Variants in ZMAT4 observed in about 807,000 individuals in gnomAD.
ZMAT4 encodes the protein zinc finger matrin-type protein 4.
Under a neutral mutation model 28.7 loss-of-function variants are expected in ZMAT4, and 17 were observed. That is an observed-to-expected ratio of 0.59 (90% CI 0.41 to 0.89). The LOEUF is 0.89. Ranked by LOEUF, ZMAT4 falls within the 40% of genes least tolerant of loss-of-function variation. The pLI is 0.00. For missense variants in ZMAT4, 240 were observed against 283.8 expected (o/e 0.85, Z 1.11); for synonymous variants, 117 against 109.2 (o/e 1.07, Z -0.44).
rs1311650678 is a variant in ZMAT4, at chr8:40,862,224, G to T, written c.-5+35459C>A. ...AGAAAATTTGGCACATATACACCATGGAATACTATGCAGCCATAAAAAAGG... is the reference window on the plus strand; with the variant it reads ...AGAAAATTTGGCACATATACACCATTGAATACTATGCAGCCATAAAAAAGG... On this transcript the variant is annotated intron_variant, in intron 1 of 6. Transcript: ENST00000297737. 1.1e-4 allele frequency among the ~76,000 whole-genome samples: 16 copies of T among 152,164 alleles called. 1 individual carries two copies. The highest frequency in any genetic ancestry group is 2.6e-4 in the Admixed American group (4 of 15,292).
chr8:40,700,204 C>T (rs71519568), intron 3 of ZMAT4, among the ~76,000 whole-genome samples: 6,721 of 151,826 alleles, frequency 0.044, 197 homozygotes, highest in Middle Eastern at 0.078. Flanking sequence ...AATCAAAGAA[C>T]TAGAGTCTCA....
intron 1 of ZMAT4, among the ~76,000 whole-genome samples, chr8:40,826,633 A>G (rs1176265548): frequency 6.6e-6 from 1 of 152,166 alleles, no homozygotes; most frequent in African/African-American, 2.4e-5. Context: ...TTGTAACCCC[A>G]TACTTTGCAA....
chr8:40,592,221 C>A (rs1339473083), intron 5 of ZMAT4, among the ~76,000 whole-genome samples: 1 of 152,128 alleles, frequency 6.6e-6, no homozygotes, highest in East Asian at 1.9e-4. Flanking sequence ...GTTTGCCATG[C>A]CATTCCCATA....
intron 4 of ZMAT4, among the ~76,000 whole-genome samples, chr8:40,686,293 T>C (rs1233707544): frequency 1.3e-5 from 2 of 151,760 alleles, no homozygotes; most frequent in African/African-American, 2.4e-5. Context: ...GGTGGGAAGA[T>C]TGCTTGAAAC....
chr8:40,581,069 C>T (rs1281265806), intron 6 of ZMAT4, 96 bp downstream of exon 6: 11 of 991,558 alleles, frequency 1.1e-5, no homozygotes, highest in Non-Finnish European at 1.7e-5. Flanking sequence ...AATTTCCACT[C>T]TACTTATTTA....
At chr8:40,752,542 C>T (rs1392980307) in intron 3 of ZMAT4, among the ~76,000 whole-genome samples, 1 of 152,174 alleles carries the variant, frequency 6.6e-6, no homozygotes, top group Non-Finnish European at 1.5e-5. Flanking sequence ...CTCAGGTCCT[C>T]CCACTCTCTG....
intron 4 of ZMAT4, among the ~76,000 whole-genome samples, chr8:40,679,669 T>C (rs1809069329): frequency 6.6e-6 from 1 of 152,100 alleles, no homozygotes. Flanking sequence ...CCACGACAAA[T>C]GGAGATTATG....
rs548632561 is a variant in ZMAT4 at position 40,767,796 on chromosome 8, C to T, written c.103-66G>A. ...CCATTTCAAACCCTTTGAAACCTAG[C>T]CAGTGCCCGCAAATGCAAAAAGAAA... On this transcript the variant is annotated intron_variant, in intron 2 of 6. Coordinates refer to ENST00000297737, the MANE Select transcript of ZMAT4 (RefSeq NM_024645.3). 195 of 1,321,532 alleles carry T rather than the reference C, an allele frequency of 1.5e-4. 3 individuals carry two copies. In the South Asian group the frequency reaches 2.6e-3, roughly 17 times the overall value. The allele number at this position is 1,321,532 out of a possible 1,614,324, so 81.9% of individuals were successfully genotyped here.
At chr8:40,856,675 T>C (rs1482814925) in intron 1 of ZMAT4, among the ~76,000 whole-genome samples, 2 of 152,208 alleles carry the variant, frequency 1.3e-5, no homozygotes, top group African/African-American at 2.4e-5. Flanking sequence ...GGATGTCATA[T>C]TTCCCCAGGT....
chr8:40,668,607 G>A (rs1028822389), intron 5 of ZMAT4, among the ~76,000 whole-genome samples: 4 of 152,206 alleles, frequency 2.6e-5, no homozygotes, highest in African/African-American at 4.8e-5. Context: ...AGGAAGAGAG[G>A]CAAGCACCAG....
At chr8:40,622,516 GT>G (rs1806238339) in intron 5 of ZMAT4, among the ~76,000 whole-genome samples, 1 of 152,154 alleles carries the variant, frequency 6.6e-6, no homozygotes, top group Non-Finnish European at 1.5e-5. Context: ...CCTTTTCTGG[GT>G]TTTATGTTTC....
intron 3 of ZMAT4, among the ~76,000 whole-genome samples, chr8:40,732,930 C>T (rs779603517): frequency 1.8e-4 from 24 of 132,638 alleles, no homozygotes; most frequent in East Asian, 2.3e-4. Context: ...ACTGCATCTT[C>T]GAACTCCTGG....
chr8:40,561,622 C>T (rs1408262041), intron 6 of ZMAT4, among the ~76,000 whole-genome samples: 1 of 152,090 alleles, frequency 6.6e-6, no homozygotes, highest in Non-Finnish European at 1.5e-5. Flanking sequence ...AGGCTCCAAG[C>T]ACCAGCATTA....
intron 3 of ZMAT4, among the ~76,000 whole-genome samples, chr8:40,720,699 G>T (rs555100305): frequency 1.5e-3 from 231 of 151,858 alleles, no homozygotes; most frequent in African/African-American, 5.4e-3. Context: ...GCTAATTTTT[G>T]TATTTCTCTA....
intron 2 of ZMAT4, among the ~76,000 whole-genome samples, chr8:40,801,213 A>G (rs1053759429): frequency 1.3e-5 from 2 of 151,486 alleles, no homozygotes; most frequent in African/African-American, 4.8e-5. Flanking sequence ...TATTAGAGAA[A>G]TTGAATTAAT....
chr8:40,675,646 C>T (rs987803228), intron 4 of ZMAT4, among the ~76,000 whole-genome samples: 19 of 152,048 alleles, frequency 1.2e-4, no homozygotes, highest in African/African-American at 4.3e-4. Context: ...ATGAATTGGA[C>T]GTTTGTGTGC....
intron 2 of ZMAT4, among the ~76,000 whole-genome samples, chr8:40,824,690 A>C (rs971290181): frequency 2.0e-5 from 3 of 150,586 alleles, no homozygotes; most frequent in African/African-American, 7.4e-5. Flanking sequence ...GCAAAGAAAA[A>C]TAAAGAAAGA....
chr8:40,843,926 C>T (rs565377822), intron 1 of ZMAT4, among the ~76,000 whole-genome samples: 1 of 152,140 alleles, frequency 6.6e-6, no homozygotes, highest in East Asian at 1.9e-4. Context: ...TAAGATCAGT[C>T]CCTTCTATCT....
intron 4 of ZMAT4, among the ~76,000 whole-genome samples, chr8:40,688,362 A>G (rs1413613304): frequency 6.6e-6 from 1 of 152,184 alleles, no homozygotes; most frequent in African/African-American, 2.4e-5. Context: ...AGGCTGAGGC[A>G]GGAGAATTGC....
Sources: allele counts gnomAD v4.1 joint callset (sites outside exome capture counted in the v4.1 genomes callset), GRCh38; gene constraint gnomAD v4.1.1; transcripts MANE v1.5; gene names NCBI Gene and HGNC (gene_info 2026-07-23, HGNC 2026-07-21).